Variants in ACMSD observed in about 807,000 individuals in gnomAD.
The protein encoded by ACMSD is aminocarboxymuconate semialdehyde decarboxylase.
A neutral mutation model predicts 45.9 loss-of-function variants in ACMSD; 37 were observed. The ratio of observed to expected loss-of-function variants is 0.81; its 90% CI spans 0.62 to 1.06. ACMSD has a LOEUF of 1.06. ACMSD is among the 50% of genes least tolerant of loss of function. The pLI is 0.00. For missense variants in ACMSD, 434 were observed against 420.9 expected (o/e 1.03, Z -0.27); for synonymous variants, 138 against 148.8 (o/e 0.93, Z 0.53).
chr2:134,885,387 TAAA>T (rs1281432326), intron 8 of ACMSD, among the ~76,000 whole-genome samples: 1 of 104,080 alleles, frequency 9.6e-6, no homozygotes, highest in African/African-American at 3.8e-5. Context: ...AATATATATG[TAAA>T]TATATATATT....
intron 2 of ACMSD, among the ~76,000 whole-genome samples, chr2:134,848,409 A>T (rs1354980524): frequency 6.6e-6 from 1 of 152,144 alleles, no homozygotes; most frequent in Non-Finnish European, 1.5e-5. Flanking sequence ...GTATAAAAGC[A>T]TTCCTATTTC....
rs557052019 is a variant in ACMSD at position 134,881,248 on chromosome 2, G to A, written c.849+8607G>A. 1.1e-3 allele frequency among the ~76,000 whole-genome samples: 167 copies of A among 152,320 alleles called. 1 individual carries two copies. The highest frequency in any genetic ancestry group is 4.0e-3 in the African/African-American group (165 of 41,570). On this transcript the variant is annotated intron_variant, in intron 8 of 9. Transcript: ENST00000356140. ...ACTCCTGACCTCAGGTGATCTGCCT[G>A]CCTCAGCCTCCCAAAGTTCCGGGAT...
chr2:134,884,155 GTAGA>G (rs951832683), intron 8 of ACMSD, among the ~76,000 whole-genome samples: 2 of 152,122 alleles, frequency 1.3e-5, no homozygotes, highest in Admixed American at 6.5e-5. Flanking sequence ...ATAATTACAA[GTAGA>G]TAATTAACCT....
chr2:134,899,638 T>C (rs939162081), intron 9 of ACMSD, among the ~76,000 whole-genome samples: 4 of 152,164 alleles, frequency 2.6e-5, no homozygotes, highest in African/African-American at 9.6e-5. Context: ...TGCTTATCAC[T>C]TTCAAGTTTT....
At chr2:134,858,722 C>G (rs1052531370) in intron 2 of ACMSD, among the ~76,000 whole-genome samples, 2 of 151,924 alleles carry the variant, frequency 1.3e-5, no homozygotes, top group African/African-American at 4.8e-5. Context: ...AGCTCAGTAC[C>G]AAATTTTGTG....
In ACMSD at chr2:134,872,520, G is replaced by A. The variant is rs199569492; in HGVS notation, c.728G>A (p.Arg243His). 37 of 1,613,940 alleles carry A rather than the reference G, an allele frequency of 2.3e-5. No homozygotes were observed. The highest frequency in any genetic ancestry group is 2.2e-4 in the Admixed American group (13 of 59,980). Reference sequence around the variant, plus strand: ...AGAATCTCCCATGGATTCAGCATGCGCCCAGATCTGTGTGCCCAGGACAAC... The same window carrying A: ...AGAATCTCCCATGGATTCAGCATGCACCCAGATCTGTGTGCCCAGGACAAC... ...VGRISHGFSM[R>H]PDLCAQDNPM... The change falls in exon 8 of 10, where the codon CGC (arginine) becomes CAC (histidine). Residue 243 changes from arginine (R) to histidine (H), a missense_variant. Transcript: ENST00000356140.
At chr2:134,897,917 T>G (rs1690262233) in intron 8 of ACMSD, among the ~76,000 whole-genome samples, 2 of 151,148 alleles carry the variant, frequency 1.3e-5, no homozygotes, top group Admixed American at 1.3e-4. Flanking sequence ...TCGAGTTATT[T>G]GTTTTTTATG....
intron 8 of ACMSD, among the ~76,000 whole-genome samples, chr2:134,874,345 C>A (rs902584429): frequency 6.6e-6 from 1 of 152,174 alleles, no homozygotes; most frequent in Non-Finnish European, 1.5e-5. Flanking sequence ...GAATCCAGGA[C>A]ATAGAAGCGG....
At chr2:134,891,521 T>C (rs150680104) in intron 8 of ACMSD, among the ~76,000 whole-genome samples, 224 of 152,180 alleles carry the variant, frequency 1.5e-3, no homozygotes, top group African/African-American at 5.2e-3. Context: ...AAATGCAAAT[T>C]AAAACTACAA....
At chr2:134,883,577 C>A (rs764135566) in intron 8 of ACMSD, among the ~76,000 whole-genome samples, 29 of 152,308 alleles carry the variant, frequency 1.9e-4, no homozygotes, top group Non-Finnish European at 3.2e-4. Flanking sequence ...TCATAGCTCA[C>A]TGCAGCCTTG....
Position 134,860,023 on chromosome 2 carries a change from G to A in ACMSD, c.199+666G>A, listed in dbSNP as rs1192976055. Among the ~76,000 whole-genome samples, 4 of 152,168 alleles carry A rather than the reference G, an allele frequency of 2.6e-5. No homozygotes were observed. In the East Asian group the frequency reaches 7.7e-4, roughly 29 times the overall value. On this transcript the variant is annotated intron_variant, in intron 3 of 9. Transcript: ENST00000356140. Reference sequence around the variant, plus strand: ...CAGAAAAGGCACAGTAACAGTTTGGGAGGCCAAGGCAGGTGGATCACCTGA... The same window carrying A: ...CAGAAAAGGCACAGTAACAGTTTGGAAGGCCAAGGCAGGTGGATCACCTGA...
At chr2:134,881,260 C>T (rs78543279) in intron 8 of ACMSD, among the ~76,000 whole-genome samples, 2,892 of 152,346 alleles carry the variant, frequency 0.019, 108 homozygotes, top group East Asian at 0.14. Context: ...CTCAGCCTCC[C>T]AAAGTTCCGG....
chr2:134,897,255 T>C (rs1233881462), intron 8 of ACMSD, among the ~76,000 whole-genome samples: 1 of 152,288 alleles, frequency 6.6e-6, no homozygotes, highest in Middle Eastern at 3.4e-3. Flanking sequence ...AAATAGACTG[T>C]ATATATACAA....
chr2:134,871,086 C>T (rs1191821115), intron 7 of ACMSD, 26 bp downstream of exon 7: 3 of 1,589,188 alleles, frequency 1.9e-6, no homozygotes, highest in East Asian at 2.2e-5. Context: ...TATTAGTCAG[C>T]TCAGGCTGTC....
intron 6 of ACMSD, among the ~76,000 whole-genome samples, chr2:134,869,920 GA>G (rs1170720076): frequency 1.3e-5 from 2 of 152,328 alleles, no homozygotes; most frequent in Non-Finnish European, 2.9e-5. Flanking sequence ...AGAACTAGAA[GA>G]AAGTGATGCC....
At chr2:134,866,268 T>TA (rs749192997) in intron 5 of ACMSD, among the ~76,000 whole-genome samples, 3 of 151,846 alleles carry the variant, frequency 2.0e-5, no homozygotes, top group Non-Finnish European at 4.4e-5. Context: ...ACCCTTAACA[T>TA]AAAAGTTAAC....
chr2:134,886,246 A>ATTATTATTATTATTATTTTTTTTTTTTTT, intron 8 of ACMSD, among the ~76,000 whole-genome samples: 35 of 115,436 alleles, frequency 3.0e-4, no homozygotes, highest in Middle Eastern at 4.3e-3. Flanking sequence ...TATTATTATT[A>ATTATTATTATTATTATTTTTTTTTTTTTT]TTTTTTTTTT....
At chr2:134,897,472 T>A (rs936672040) in intron 8 of ACMSD, among the ~76,000 whole-genome samples, 53 of 152,176 alleles carry the variant, frequency 3.5e-4, no homozygotes, top group African/African-American at 1.3e-3. Context: ...TGGCCAGTCT[T>A]TTGCTGTTCC....
intron 8 of ACMSD, among the ~76,000 whole-genome samples, chr2:134,897,327 A>G (rs115514514): frequency 1.1e-4 from 17 of 152,180 alleles, no homozygotes; most frequent in African/African-American, 4.1e-4. Context: ...TAGCAGACAC[A>G]TTGTTCTAGA....
Sources: gnomAD v4.1 joint callset for allele counts (sites outside exome capture counted in the v4.1 genomes callset) on GRCh38, gnomAD v4.1.1 for gene constraint, MANE v1.5 for transcripts, NCBI Gene and HGNC (gene_info 2026-07-23, HGNC 2026-07-21) for gene names.